The following MECOM variants were observed in gnomAD, a reference collection of about 807,000 sequenced individuals.
MECOM encodes the protein histone-lysine N-methyltransferase MECOM.
In MECOM, 13 loss-of-function variants were observed where a neutral mutation model predicts 116.3. The observed-to-expected ratio is 0.11, with a 90% confidence interval of 0.07 to 0.18. The LOEUF (loss-of-function observed/expected upper bound fraction) is 0.18, where lower values mean the gene tolerates loss of function less well. Among genes scored for constraint, MECOM ranks in the 10% least tolerant of loss-of-function variants. The pLI is 1.00. For missense variants in MECOM, 1,299 were observed against 1,509.0 expected, an observed-to-expected ratio of 0.86 and a Z score of 2.31; for synonymous variants, 528 against 535.2, an observed-to-expected ratio of 0.99 and a Z score of 0.19.
At chr3:169,404,614 T>C (rs1339709662) in intron 1 of MECOM, among the ~76,000 whole-genome samples, 1 of 152,224 alleles carries the variant, frequency 6.6e-6, no homozygotes, top group East Asian at 1.9e-4. Context: ...GCTGATCCGA[T>C]GGGCCAGTTC....
chr3:169,338,501 G>T (rs1006307134), intron 2 of MECOM, among the ~76,000 whole-genome samples: 12 of 152,062 alleles, frequency 7.9e-5, no homozygotes, highest in Admixed American at 3.3e-4. Context: ...TGTGAACTGG[G>T]GCTATCAGAA....
intron 1 of MECOM, among the ~76,000 whole-genome samples, chr3:169,542,346 T>C (rs926282097): frequency 5.3e-5 from 8 of 151,716 alleles, no homozygotes; most frequent in African/African-American, 1.9e-4. Flanking sequence ...AAGAACAGAC[T>C]TATTTTGAGC....
intron 1 of MECOM, among the ~76,000 whole-genome samples, chr3:169,505,391 C>T (rs1039569756): frequency 6.6e-6 from 1 of 151,024 alleles, no homozygotes; most frequent in Admixed American, 6.6e-5. Context: ...TTCCAGTTTT[C>T]CTTGGGTTTA....
chr3:169,607,123 C>T (rs1381342905), intron 1 of MECOM, among the ~76,000 whole-genome samples: 2 of 152,160 alleles, frequency 1.3e-5, no homozygotes, highest in African/African-American at 4.8e-5. Context: ...CTTACGGAGG[C>T]AATATAATAT....
chr3:169,380,897 C>T (rs1354931387), intron 2 of MECOM, among the ~76,000 whole-genome samples: 1 of 152,106 alleles, frequency 6.6e-6, no homozygotes, highest in Non-Finnish European at 1.5e-5. Context: ...ATGGTCATAG[C>T]CAATGTTTCC....
chr3:169,275,414 A>G (rs1759455010), intron 2 of MECOM, among the ~76,000 whole-genome samples: 1 of 152,140 alleles, frequency 6.6e-6, no homozygotes. Flanking sequence ...ATGGTTATCT[A>G]GGTGTTGTCA....
chr3:169,097,960 C>A (rs1336646631), intron 12 of MECOM, among the ~76,000 whole-genome samples: 1 of 151,586 alleles, frequency 6.6e-6, no homozygotes, highest in East Asian at 2.0e-4. Flanking sequence ...CCTAATAGAA[C>A]TTTCCAGAAG....
chr3:169,428,306 G>A (rs372337203), intron 1 of MECOM, among the ~76,000 whole-genome samples: 13 of 152,310 alleles, frequency 8.5e-5, no homozygotes, highest in South Asian at 2.1e-4. Flanking sequence ...CATGGACTGT[G>A]GGGGGTTGGT....
chr3:169,503,737 A>C (rs945474388), intron 1 of MECOM, among the ~76,000 whole-genome samples: 6 of 152,204 alleles, frequency 3.9e-5, no homozygotes, highest in African/African-American at 9.7e-5. Flanking sequence ...TATTTCTTTA[A>C]AACCTTCAGC....
At chr3:169,128,349 G>C (rs1161445842) in intron 4 of MECOM, among the ~76,000 whole-genome samples, 4 of 152,086 alleles carry the variant, frequency 2.6e-5, no homozygotes, top group African/African-American at 9.7e-5. Context: ...ACGACTTACT[G>C]AGCATCATAT....
At chr3:169,289,880 A>C (rs915834879) in intron 2 of MECOM, among the ~76,000 whole-genome samples, 1 of 152,178 alleles carries the variant, frequency 6.6e-6, no homozygotes, top group Non-Finnish European at 1.5e-5. Context: ...AGTGAAGTTA[A>C]ACCCTGTTGA....
At chr3:169,482,300 T>G (rs1302122587) in intron 1 of MECOM, among the ~76,000 whole-genome samples, 1 of 151,082 alleles carries the variant, frequency 6.6e-6, no homozygotes, top group African/African-American at 2.4e-5. Flanking sequence ...ACTGCAGAGC[T>G]CTGTTACAGG....
At chr3:169,130,587 C>T (rs1246369730) in intron 4 of MECOM, among the ~76,000 whole-genome samples, 2 of 151,940 alleles carry the variant, frequency 1.3e-5, no homozygotes, top group East Asian at 3.9e-4. Flanking sequence ...TGGCAGCTTC[C>T]TGGAGATATA....
intron 2 of MECOM, among the ~76,000 whole-genome samples, chr3:169,341,183 C>T (rs1724434171): frequency 1.3e-5 from 2 of 152,076 alleles, no homozygotes; most frequent in South Asian, 2.1e-4. Context: ...ATAATCTCTA[C>T]TAAGTCATTC....
chr3:169,147,465 G>A, intron 2 of MECOM: 1 of 985,466 alleles, frequency 1.0e-6, no homozygotes, highest in Non-Finnish European at 1.2e-6. Flanking sequence ...GCCGCCCAGA[G>A]TGATCTGATC....
chr3:169,259,025 C>T lies in MECOM; in HGVS notation c.376-115193G>A, dbSNP rs546713067. Among the ~76,000 whole-genome samples, 5 of 152,252 alleles carry T rather than the reference C, an allele frequency of 3.3e-5. No homozygotes were observed. In the East Asian group the frequency reaches 5.8e-4, roughly 18 times the overall value. On this transcript the variant is annotated intron_variant, in intron 2 of 16. Coordinates refer to ENST00000651503, the MANE Select transcript of MECOM (RefSeq NM_004991.4). ...TTTTGCATCCCAAATCTCAGGCTCT[C>T]GACTCTATCATGAATATGTAGTCCT...
intron 1 of MECOM, among the ~76,000 whole-genome samples, chr3:169,382,170 CG>C (rs757730614): frequency 3.9e-5 from 6 of 152,036 alleles, no homozygotes; most frequent in Non-Finnish European, 7.4e-5. Flanking sequence ...TCTGGGTATT[CG>C]TAAACGCTAA....
intron 1 of MECOM, among the ~76,000 whole-genome samples, chr3:169,537,767 C>A (rs1053715645): frequency 2.0e-5 from 3 of 151,172 alleles, no homozygotes; most frequent in African/African-American, 7.3e-5. Flanking sequence ...ATCACAAATG[C>A]CTTTTTCTTT....
At chr3:169,581,303 T>C (rs1188948754) in intron 1 of MECOM, among the ~76,000 whole-genome samples, 1 of 152,172 alleles carries the variant, frequency 6.6e-6, no homozygotes, top group Non-Finnish European at 1.5e-5. Context: ...TATCGATAAG[T>C]TCTTCTTTAC....
Sources: allele counts gnomAD v4.1 joint callset (sites outside exome capture counted in the v4.1 genomes callset), GRCh38; gene constraint gnomAD v4.1.1; transcripts MANE v1.5; gene names NCBI Gene and HGNC (gene_info 2026-07-23, HGNC 2026-07-21).